The following SOX5 variants were observed in gnomAD, a reference collection of about 807,000 sequenced individuals.
SOX5 encodes the protein transcription factor SOX-5.
SOX5 carries 9 observed loss-of-function variants against 92.0 expected under a neutral mutation model. The ratio of observed to expected loss-of-function variants is 0.10; its 90% CI spans 0.06 to 0.17. SOX5 has a LOEUF of 0.17. Among genes scored for constraint, SOX5 ranks in the 10% least tolerant of loss-of-function variants. The pLI, the probability that SOX5 is intolerant of heterozygous loss-of-function variation, is 1.00. For synonymous variants in SOX5, 344 were observed against 336.3 expected (o/e 1.02, Z -0.25); for missense variants, 642 against 944.5 (o/e 0.68, Z 4.20).
intron 3 of SOX5, among the ~76,000 whole-genome samples, chr12:24,255,014 CAAGAA>C (rs1408405032): frequency 6.6e-6 from 1 of 151,964 alleles, no homozygotes; most frequent in African/African-American, 2.4e-5. Context: ...TGAAGAGAAA[CAAGAA>C]AAGAAAGCAA....
intron 1 of SOX5, among the ~76,000 whole-genome samples, chr12:23,914,327 T>C (rs1478381248): frequency 6.6e-6 from 1 of 152,192 alleles, no homozygotes; most frequent in Non-Finnish European, 1.5e-5. Context: ...TACCATGATA[T>C]ATTCCATGAT....
chr12:24,228,661 C>T (rs369048474), intron 3 of SOX5, among the ~76,000 whole-genome samples: 24 of 151,436 alleles, frequency 1.6e-4, no homozygotes, highest in African/African-American at 5.4e-4. Context: ...TGTGTGTGTG[C>T]GTGTGTGTGC....
chr12:23,543,647 A>G (rs1342934743), intron 12 of SOX5, among the ~76,000 whole-genome samples: 3 of 152,198 alleles, frequency 2.0e-5, no homozygotes, highest in African/African-American at 7.2e-5. Flanking sequence ...TACTTTCAAC[A>G]GCTCAAAATA....
chr12:23,661,918 T>C (rs2083100593), intron 7 of SOX5, among the ~76,000 whole-genome samples: 1 of 152,208 alleles, frequency 6.6e-6, no homozygotes, highest in South Asian at 2.1e-4. Flanking sequence ...TAATTAAGAA[T>C]TGATATTTTA....
intron 1 of SOX5, among the ~76,000 whole-genome samples, chr12:23,937,812 T>C (rs1310764056): frequency 2.6e-5 from 4 of 150,984 alleles, no homozygotes; most frequent in African/African-American, 9.7e-5. Context: ...AAGAAAATCA[T>C]TGGTTATACA....
chr12:23,951,005 T>C (rs912211541), upstream of SOX5: 2 of 616,800 alleles, frequency 3.2e-6, no homozygotes, highest in African/African-American at 4.2e-5. Flanking sequence ...ACACACACAC[T>C]CACTCACGCA....
intron 2 of SOX5, among the ~76,000 whole-genome samples, chr12:24,362,451 T>G (rs945498664): frequency 6.6e-6 from 1 of 152,252 alleles, no homozygotes; most frequent in Non-Finnish European, 1.5e-5. Context: ...CTATTTGGAC[T>G]GACTTCACGG....
intron 3 of SOX5, among the ~76,000 whole-genome samples, chr12:23,824,903 G>A (rs1379048626): frequency 5.3e-5 from 8 of 152,116 alleles, no homozygotes; most frequent in Admixed American, 2.0e-4. Flanking sequence ...GGTTTAAACC[G>A]CCTACTCAAG....
intron 12 of SOX5, 132 bp downstream of exon 12, chr12:23,546,184 C>A: frequency 1.7e-6 from 1 of 605,968 alleles, no homozygotes; most frequent in Non-Finnish European, 2.9e-6. Context: ...GGGGACTGCT[C>A]AGTATATGTG....
At chr12:23,636,601 G>C (rs745449441) in intron 8 of SOX5, among the ~76,000 whole-genome samples, 2 of 152,134 alleles carry the variant, frequency 1.3e-5, no homozygotes, top group Non-Finnish European at 2.9e-5. Flanking sequence ...TTTAATCTAG[G>C]TGTTCAAAAA....
chr12:24,425,252 C>T (rs373638673), intron 1 of SOX5, among the ~76,000 whole-genome samples: 2 of 152,184 alleles, frequency 1.3e-5, no homozygotes, highest in Non-Finnish European at 2.9e-5. Flanking sequence ...TGAATGAACA[C>T]TCATTAATCA....
In SOX5 at chr12:23,815,076, C is replaced by A. The variant is rs557815717; in HGVS notation, c.481+30907G>T. On this transcript the variant is annotated intron_variant, in intron 3 of 14. Coordinates refer to ENST00000451604, the MANE Select transcript of SOX5 (RefSeq NM_006940.6). ...CCTTCAAGAAATCTTTATGGAAGGG[C>A]CAAGATTACAATGGTCATTCCTGTT... Among the ~76,000 whole-genome samples the A allele has an allele frequency of 3.3e-5, 5 of 152,190 alleles. No homozygotes were observed. In the South Asian group the frequency reaches 1.0e-3, roughly 32 times the overall value.
chr12:23,835,587 T>C (rs931350859), intron 3 of SOX5, among the ~76,000 whole-genome samples: 1 of 151,904 alleles, frequency 6.6e-6, no homozygotes, highest in African/African-American at 2.4e-5. Context: ...ATTAAAAGTT[T>C]TCTGGAAAAT....
intron 3 of SOX5, among the ~76,000 whole-genome samples, chr12:23,783,691 T>C (rs2095325304): frequency 6.6e-6 from 1 of 152,128 alleles, no homozygotes; most frequent in Non-Finnish European, 1.5e-5. Context: ...TCTTAGAAAT[T>C]TTTCTTTTCT....
At chr12:23,540,779 C>T (rs1026844670) in intron 13 of SOX5, among the ~76,000 whole-genome samples, 1 of 152,140 alleles carries the variant, frequency 6.6e-6, no homozygotes, top group African/African-American at 2.4e-5. Flanking sequence ...AAAATGTCAA[C>T]TACGATCCCC....
intron 1 of SOX5, among the ~76,000 whole-genome samples, chr12:23,906,689 C>G (rs536111390): frequency 6.6e-6 from 1 of 152,062 alleles, no homozygotes; most frequent in Admixed American, 6.6e-5. Flanking sequence ...CTATCTCTTC[C>G]GATATAGGCT....
At chr12:24,365,693 T>TTTTTTTTTTTTTTTTTTTTTG (rs1446820122) in intron 2 of SOX5, among the ~76,000 whole-genome samples, 1 of 150,916 alleles carries the variant, frequency 6.6e-6, no homozygotes, top group Non-Finnish European at 1.5e-5. Context: ...AATACTTTTT[T>TTTTTTTTTTTTTTTTTTTTTG]AACTGAAGTT....
At chr12:23,750,753 TA>T in intron 4 of SOX5, among the ~76,000 whole-genome samples, 1 of 151,958 alleles carries the variant, frequency 6.6e-6, no homozygotes, top group South Asian at 2.1e-4. Context: ...ACCTTATGTT[TA>T]AAACACACAT....
chr12:24,032,484 TCAA>T (rs1208171407), intron 4 of SOX5, among the ~76,000 whole-genome samples: 3 of 151,900 alleles, frequency 2.0e-5, no homozygotes, highest in Admixed American at 2.0e-4. Context: ...AAATTTATCA[TCAA>T]ATATATTTCA....
Sources: allele counts gnomAD v4.1 joint callset (sites outside exome capture counted in the v4.1 genomes callset), GRCh38; gene constraint gnomAD v4.1.1; transcripts MANE v1.5; gene names NCBI Gene and HGNC (gene_info 2026-07-23, HGNC 2026-07-21).